Variants in KAZN observed in about 807,000 individuals in gnomAD.
KAZN encodes the protein kazrin.
A neutral mutation model predicts 87.4 loss-of-function variants in KAZN; 40 were observed. That is an observed-to-expected ratio of 0.46 (90% CI 0.36 to 0.60). The LOEUF is 0.60. Ranked by LOEUF, KAZN falls within the 20% of genes least tolerant of loss-of-function variation. KAZN has a pLI of 0.00. For missense variants in KAZN, 898 were observed against 1,073.9 expected (o/e 0.84, Z 2.29); for synonymous variants, 466 against 458.3 (o/e 1.02, Z -0.22).
intron 1 of KAZN, among the ~76,000 whole-genome samples, chr1:13,907,872 G>A (rs796108198): frequency 6.6e-6 from 1 of 152,180 alleles, no homozygotes; most frequent in Non-Finnish European, 1.5e-5. Flanking sequence ...CCCCTGTTGG[G>A]TGAGGTTATA....
chr1:14,511,883 A>T (rs1670925311), intron 2 of KAZN, among the ~76,000 whole-genome samples: 1 of 152,226 alleles, frequency 6.6e-6, no homozygotes, highest in Non-Finnish European at 1.5e-5. Context: ...TTCAACATAA[A>T]TAAACGCATT....
chr1:14,924,640 C>T lies in KAZN; in HGVS notation c.227-36044C>T, dbSNP rs566931549. ...AGGCCCAGGAGCCGCCGGGGCCGGG[C>T]GCGCGAGGGCGCTCGGAGCCGGGAT... On this transcript the variant is annotated intron_variant, in intron 1 of 14. Transcript: ENST00000376030. 352 of 874,178 alleles carry T rather than the reference C, an allele frequency of 4.0e-4. 1 individual carries two copies. Among genetic ancestry groups the T allele is most frequent in the Non-Finnish European group, 4.4e-4 (317 of 724,928 alleles). The allele number at this position is 874,178 out of a possible 1,614,324, so 54.2% of individuals were successfully genotyped here. A position where few individuals can be genotyped will look rare whatever the true frequency, so the allele number is the denominator to read the frequency against.
Position 14,960,799 on chromosome 1 carries a change from C to A in KAZN, c.342C>A (p.Val114=). 1 of 1,612,690 alleles carries A rather than the reference C, an allele frequency of 6.2e-7. No homozygotes were observed. ...EESQGGKSSE[V]LSATELRVQL... ...CGCAGGGCGGCAAGTCCTCTGAGGTCCTCTCGGCCACCGAGCTCAGGGTCC... is the reference window on the plus strand; with the variant it reads ...CGCAGGGCGGCAAGTCCTCTGAGGTACTCTCGGCCACCGAGCTCAGGGTCC... Residue 114 remains valine, a synonymous_variant, in exon 2 of 15, where the codon GTC becomes GTA. Transcript: ENST00000376030.
At chr1:13,978,219 A>C (rs1436799394) in intron 1 of KAZN, among the ~76,000 whole-genome samples, 1 of 151,948 alleles carries the variant, frequency 6.6e-6, no homozygotes, top group Admixed American at 6.6e-5. Context: ...AGTGTGAAGC[A>C]GTTGCTAGAA....
intron 2 of KAZN, among the ~76,000 whole-genome samples, chr1:14,426,304 T>G (rs1665722789): frequency 6.6e-6 from 1 of 152,202 alleles, no homozygotes; most frequent in South Asian, 2.1e-4. Flanking sequence ...TCACCCCACA[T>G]TCACTCTGAG....
At chr1:14,809,110 G>C (rs1468544126) in intron 1 of KAZN, among the ~76,000 whole-genome samples, 3 of 152,170 alleles carry the variant, frequency 2.0e-5, no homozygotes, top group Non-Finnish European at 4.4e-5. Context: ...AGGGCCCCAG[G>C]TCTATTCCTA....
chr1:14,850,464 C>T (rs891688732), intron 1 of KAZN, among the ~76,000 whole-genome samples: 1 of 152,122 alleles, frequency 6.6e-6, no homozygotes, highest in Non-Finnish European at 1.5e-5. Flanking sequence ...CTAACATCAT[C>T]GCCATTTTAC....
chr1:14,340,671 G>C (rs1445252656), intron 2 of KAZN, among the ~76,000 whole-genome samples: 1 of 152,122 alleles, frequency 6.6e-6, no homozygotes, highest in Non-Finnish European at 1.5e-5. Flanking sequence ...CTGTCTGTAG[G>C]CATACAAATT....
At chr1:14,914,420 C>T (rs887932467) in intron 1 of KAZN, among the ~76,000 whole-genome samples, 22 of 152,198 alleles carry the variant, frequency 1.4e-4, no homozygotes, top group African/African-American at 4.8e-4. Flanking sequence ...TTACTATTTG[C>T]CGGTAGCACA....
In KAZN at chr1:15,101,801, C is replaced by G. The variant is rs1198080433; in HGVS notation, c.1779+27C>G. 2.0e-6 allele frequency: 3 copies of G among 1,467,764 alleles called. No homozygotes were observed. The African/African-American group carries it at 4.2e-5, about 21-fold the overall frequency. The allele number at this position is 1,467,764 out of a possible 1,614,324, so 90.9% of individuals were successfully genotyped here. A position where few individuals can be genotyped will look rare whatever the true frequency, so the allele number is the denominator to read the frequency against. ...TGAGGACCAGGGCACAGGGTGGGGG[C>G]ACCTTCCACTGCCCACCCCTCCCCT... On this transcript the variant is annotated intron_variant, in intron 11 of 14. Coordinates refer to ENST00000376030, the MANE Select transcript of KAZN (RefSeq NM_201628.3).
chr1:13,907,521 G>C (rs941018697), intron 1 of KAZN, among the ~76,000 whole-genome samples: 2 of 151,864 alleles, frequency 1.3e-5, no homozygotes, highest in Non-Finnish European at 2.9e-5. Flanking sequence ...TGGGTGGGTG[G>C]GAATGGGGGG....
chr1:14,275,185 C>G (rs184172822), intron 2 of KAZN, among the ~76,000 whole-genome samples: 10 of 152,292 alleles, frequency 6.6e-5, no homozygotes, highest in African/African-American at 2.2e-4. Flanking sequence ...ATCTCCCTCT[C>G]CCCACCAGGG....
intron 2 of KAZN, among the ~76,000 whole-genome samples, chr1:14,515,774 C>A (rs960226720): frequency 1.3e-5 from 2 of 152,090 alleles, no homozygotes; most frequent in African/African-American, 2.4e-5. Flanking sequence ...CACCACCAGC[C>A]GTTTTATAAC....
intron 4 of KAZN, among the ~76,000 whole-genome samples, chr1:15,044,894 A>G (rs529386486): frequency 1.3e-5 from 2 of 152,330 alleles, no homozygotes; most frequent in African/African-American, 4.8e-5. Flanking sequence ...CTCTTTTCAA[A>G]TGTCTTTGCA....
At chr1:14,101,290 C>T (rs1297751435) in intron 1 of KAZN, among the ~76,000 whole-genome samples, 2 of 152,168 alleles carry the variant, frequency 1.3e-5, no homozygotes, top group Admixed American at 6.5e-5. Context: ...ATTATGTGCA[C>T]GGCATCATAA....
At chr1:14,463,766 T>C (rs1667972222) in intron 2 of KAZN, among the ~76,000 whole-genome samples, 1 of 152,130 alleles carries the variant, frequency 6.6e-6, no homozygotes, top group African/African-American at 2.4e-5. Flanking sequence ...TCCCTTACCA[T>C]AAAAAATGTG....
intron 2 of KAZN, among the ~76,000 whole-genome samples, chr1:14,225,567 G>A (rs896155035): frequency 1.3e-5 from 2 of 152,026 alleles, no homozygotes; most frequent in African/African-American, 4.8e-5. Flanking sequence ...AGCCTGAATA[G>A]CCAAAGCAAG....
At chr1:14,138,481 C>A (rs1401207243) in intron 1 of KAZN, among the ~76,000 whole-genome samples, 1 of 152,160 alleles carries the variant, frequency 6.6e-6, no homozygotes, top group Non-Finnish European at 1.5e-5. Flanking sequence ...GTATCTCCCA[C>A]GCCTGCACCA....
chr1:14,111,939 C>A (rs961504935), intron 1 of KAZN, among the ~76,000 whole-genome samples: 1 of 152,018 alleles, frequency 6.6e-6, no homozygotes, highest in Non-Finnish European at 1.5e-5. Flanking sequence ...GGGCTTTCAC[C>A]ATATTGGTCA....
Sources: allele counts gnomAD v4.1 joint callset (sites outside exome capture counted in the v4.1 genomes callset), GRCh38; gene constraint gnomAD v4.1.1; transcripts MANE v1.5; gene names NCBI Gene and HGNC (gene_info 2026-07-23, HGNC 2026-07-21).